FBXL18: variants seen among roughly 807,000 people sequenced by gnomAD.
FBXL18 encodes F-box and leucine rich repeat protein 18, also known as F-box/LRR-repeat protein 18.
FBXL18 carries 36 observed loss-of-function variants against 46.0 expected under a neutral mutation model. The observed-to-expected ratio is 0.78, with a 90% confidence interval of 0.60 to 1.03. FBXL18 has a LOEUF of 1.03. Ranked by LOEUF, FBXL18 falls within the 50% of genes least tolerant of loss-of-function variation. The probability of loss-of-function intolerance (pLI) is 0.00; values close to 1 mark genes in which losing one functional copy is unlikely to be tolerated. For synonymous variants in FBXL18, 557 were observed against 465.3 expected, an observed-to-expected ratio of 1.20 and a Z score of -2.54; for missense variants, 977 against 1,004.1, an observed-to-expected ratio of 0.97 and a Z score of 0.36.
At chr7:5,494,272 CAAA>C (rs1171789679) in intron 3 of FBXL18, among the ~76,000 whole-genome samples, 5 of 118,286 alleles carry the variant, frequency 4.2e-5, no homozygotes, top group Admixed American at 9.0e-5. Flanking sequence ...AACTCCATCT[CAAA>C]AAAAAAAAAA....
chr7:5,502,454 G>C (rs1784291133), intron 2 of FBXL18, among the ~76,000 whole-genome samples: 1 of 152,122 alleles, frequency 6.6e-6, no homozygotes, highest in African/African-American at 2.4e-5. Context: ...AGAATCGCTT[G>C]AACCTGGGAG....
At chr7:5,506,739 T>TGG in intron 1 of FBXL18, among the ~76,000 whole-genome samples, 2 of 152,168 alleles carry the variant, frequency 1.3e-5, no homozygotes, top group Non-Finnish European at 2.9e-5. Context: ...GTGTTTTTAG[T>TGG]AAAGACGGGG....
chr7:5,463,719 TATTTATTTA>T (rs1783293290), intron 4 of FBXL18, among the ~76,000 whole-genome samples: 1 of 73,452 alleles, frequency 1.4e-5, no homozygotes, highest in Non-Finnish European at 2.5e-5. Flanking sequence ...TTTATTTATT[TATTTATTTA>T]TTTTTTTTTT....
At chr7:5,470,782 A>G (rs1464189085) in intron 4 of FBXL18, among the ~76,000 whole-genome samples, 5 of 151,904 alleles carry the variant, frequency 3.3e-5, no homozygotes, top group Non-Finnish European at 7.4e-5. Flanking sequence ...GGCACCTGTG[A>G]AGGGACACAG....
intron 4 of FBXL18, among the ~76,000 whole-genome samples, chr7:5,456,085 C>G (rs971490620): frequency 3.3e-5 from 5 of 152,166 alleles, no homozygotes; most frequent in Admixed American, 3.3e-4. Flanking sequence ...GGCCCGGTCA[C>G]CCCACCGAAA....
At chr7:5,512,369 C>G (rs1394561166) in intron 1 of FBXL18, among the ~76,000 whole-genome samples, 1 of 146,390 alleles carries the variant, frequency 6.8e-6, no homozygotes, top group African/African-American at 2.5e-5. Context: ...AATCCCAACA[C>G]TTTGGGAAGC....
At chr7:5,467,074 G>A (rs555280871) in intron 4 of FBXL18, among the ~76,000 whole-genome samples, 4 of 151,988 alleles carry the variant, frequency 2.6e-5, no homozygotes, top group Admixed American at 6.6e-5. Flanking sequence ...AAAATTGGCC[G>A]GGCACAGTGG....
At chr7:5,503,769 C>G (rs1324673356) in intron 2 of FBXL18, among the ~76,000 whole-genome samples, 1 of 151,572 alleles carries the variant, frequency 6.6e-6, no homozygotes, top group Non-Finnish European at 1.5e-5. Flanking sequence ...GAGTTTGAGA[C>G]CAGCCTGATC....
intron 3 of FBXL18, among the ~76,000 whole-genome samples, chr7:5,497,034 A>C (rs1784099127): frequency 6.7e-6 from 1 of 149,688 alleles, no homozygotes; most frequent in South Asian, 2.1e-4. Flanking sequence ...CTGTCTCAAA[A>C]AAAAAAAAAA....
chr7:5,499,826 G>A (rs748068882), intron 3 of FBXL18, among the ~76,000 whole-genome samples: 27 of 151,662 alleles, frequency 1.8e-4, no homozygotes, highest in Non-Finnish European at 3.7e-4. Flanking sequence ...TTGGGAGGCC[G>A]AGATGGAGGA....
rs1491478537 is a variant in FBXL18 at position 5,480,549 on chromosome 7, T to TATATATATATATATATATATATATA, written c.*1225_*1226insTATATATATATATATATATATATAT. 1 of 28,636 alleles carries TATATATATATATATATATATATATA rather than the reference T, an allele frequency of 3.5e-5. No homozygotes were observed. The highest frequency in any genetic ancestry group is 1.4e-4 in the African/African-American group (1 of 6,930). The allele number at this position is 28,636 out of a possible 1,614,324, so 1.8% of individuals were successfully genotyped here. ...TTGAATATATATATATATATATATATTTTTTTTTTTTTTTTTTTTTTTTTT... is the reference window on the plus strand; with the variant it reads ...TTGAATATATATATATATATATATATATATATATATATATATATATATATATTTTTTTTTTTTTTTTTTTTTTTTT... On this transcript the variant is annotated 3_prime_UTR_variant, in exon 5 of 5. Transcript: ENST00000382368.
At chr7:5,482,904 G>A (rs952969837) in intron 4 of FBXL18, among the ~76,000 whole-genome samples, 2 of 151,844 alleles carry the variant, frequency 1.3e-5, no homozygotes, top group African/African-American at 2.4e-5. Flanking sequence ...CAGGCATGGT[G>A]GTGCATGCCT....
At chr7:5,513,283 T>C (rs993683286) in intron 1 of FBXL18, among the ~76,000 whole-genome samples, 2 of 150,166 alleles carry the variant, frequency 1.3e-5, no homozygotes, top group African/African-American at 4.9e-5. Context: ...AGATAGAAGA[T>C]GGAGTGGGAC....
intron 1 of FBXL18, among the ~76,000 whole-genome samples, chr7:5,507,235 G>C (rs1322334500): frequency 6.6e-6 from 1 of 152,166 alleles, no homozygotes; most frequent in African/African-American, 2.4e-5. Flanking sequence ...CAACCGTGAA[G>C]GCCATGGAGG....
At chr7:5,490,049 G>T in intron 4 of FBXL18, 1 of 1,345,290 alleles carries the variant, frequency 7.4e-7, no homozygotes, top group East Asian at 4.8e-5. Context: ...ACCCCAACCA[G>T]GATTATTCCT....
At chr7:5,463,580 C>T (rs1036903017) in intron 4 of FBXL18, among the ~76,000 whole-genome samples, 7 of 151,142 alleles carry the variant, frequency 4.6e-5, no homozygotes, top group South Asian at 4.2e-4. Flanking sequence ...GATTGTGCCA[C>T]GGCACTCCCT....
chr7:5,486,587 A>C (rs1198328907), intron 4 of FBXL18, among the ~76,000 whole-genome samples: 1 of 152,118 alleles, frequency 6.6e-6, no homozygotes, highest in Non-Finnish European at 1.5e-5. Context: ...TGGGAGGTCA[A>C]GGCTGCAGTG....
Position 5,505,704 on chromosome 7 carries a change from G to C in FBXL18, c.19-74C>G, listed in dbSNP as rs377325102. ...TCAGCCTAGCCTGCAGCTAGGCAGA[G>C]AAGCAAAGAGAAGCCCTTATCCATG... On this transcript the variant is annotated intron_variant, in intron 1 of 4. Transcript: ENST00000382368. 27 of 1,181,500 alleles carry C rather than the reference G, an allele frequency of 2.3e-5. 1 individual carries two copies. In the African/African-American group the frequency reaches 2.9e-4, roughly 13 times the overall value. 73.2% of individuals were successfully genotyped at this position (1,181,500 alleles called of 1,614,324 possible).
rs35968318 is a variant in FBXL18, at chr7:5,510,686, C to CAAA, written c.18+2968_18+2970dup. Among the ~76,000 whole-genome samples, 165 of 96,716 alleles carry CAAA rather than the reference C, an allele frequency of 1.7e-3. 2 individuals carry two copies. The highest frequency in any genetic ancestry group is 5.5e-3 in the African/African-American group (152 of 27,526). The allele number at this position is 96,716 out of a possible 152,430, so 63.4% of individuals were successfully genotyped here. A position where few individuals can be genotyped will look rare whatever the true frequency, so the allele number is the denominator to read the frequency against. On this transcript the variant is annotated intron_variant, in intron 1 of 4. Transcript: ENST00000382368. ...GGGCAACAGAGTGAGATCCTGTCTC[C>CAAA]AAAAAAAAAAAAAAAAAAATCTAGG...
Sources: allele counts gnomAD v4.1 joint callset (sites outside exome capture counted in the v4.1 genomes callset), GRCh38; gene constraint gnomAD v4.1.1; transcripts MANE v1.5; gene names NCBI Gene and HGNC (gene_info 2026-07-23, HGNC 2026-07-21).